Variants in USH2A observed in about 807,000 individuals in gnomAD.
The protein encoded by USH2A is Usher syndrome 2A (autosomal recessive, mild).
In USH2A, 443 loss-of-function variants were observed where a neutral mutation model predicts 538.9. The observed-to-expected ratio is 0.82, with a 90% CI of 0.76 to 0.89. The LOEUF (loss-of-function observed/expected upper bound fraction) is 0.89, where lower values mean the gene tolerates loss of function less well. Among genes scored for constraint, USH2A ranks in the 40% least tolerant of loss-of-function variants. USH2A has a pLI of 0.00. For synonymous variants in USH2A, 2,413 were observed against 2,273.5 expected (o/e 1.06, Z -1.75); for missense variants, 6,633 against 6,324.8 (o/e 1.05, Z -1.65).
At position 215,950,044 on chromosome 1, in the gene USH2A, A is replaced by C. The variant is rs1204090850; in HGVS notation, c.7121-15249T>G. ...TGCATATAACTACAGACAGATGAAC[A>C]CATTTGTATACTATTAGAAGCCATG... On this transcript the variant is annotated intron_variant, in intron 37 of 71. Transcript: ENST00000307340. 2.0e-5 allele frequency among the ~76,000 whole-genome samples: 3 copies of C among 152,168 alleles called. No homozygotes were observed. The South Asian group carries it at 6.2e-4, about 31-fold the overall frequency.
At chr1:216,279,854 A>AG (rs139023769) in intron 11 of USH2A, among the ~76,000 whole-genome samples, 2,029 of 152,198 alleles carry the variant, frequency 0.013, 22 homozygotes, top group Non-Finnish European at 0.018. Context: ...GACTTATGTT[A>AG]GGGACTTTCA....
chr1:216,367,600 G>T (rs560686118), intron 3 of USH2A, among the ~76,000 whole-genome samples: 12 of 152,228 alleles, frequency 7.9e-5, no homozygotes, highest in Admixed American at 6.5e-4. Context: ...GTGAATTCCA[G>T]AAGGATATTT....
At position 216,324,986 on chromosome 1, in the gene USH2A, C is replaced by G. The variant is rs573844154; in HGVS notation, c.1143+319G>C. 2.2e-4 allele frequency among the ~76,000 whole-genome samples: 33 copies of G among 151,956 alleles called. No homozygotes were observed. In the East Asian group the frequency reaches 6.2e-3, roughly 29 times the overall value. On this transcript the variant is annotated intron_variant, in intron 6 of 71. Transcript: ENST00000307340. The stretch of plus-strand genomic sequence containing the variant: ...TCATCCTGGGTCTAATAGGGTGGGC[C>G]TTATATAAGAGAAAGAAAAGGGATA...
At chr1:215,789,472 T>C (rs1661911284) in intron 51 of USH2A, among the ~76,000 whole-genome samples, 1 of 152,218 alleles carries the variant, frequency 6.6e-6, no homozygotes, top group Non-Finnish European at 1.5e-5. Flanking sequence ...TCTGGTATCC[T>C]GGGTCAAGTT....
At chr1:216,346,136 G>A (rs185649236) in intron 4 of USH2A, among the ~76,000 whole-genome samples, 42 of 152,166 alleles carry the variant, frequency 2.8e-4, no homozygotes, top group African/African-American at 1.0e-3. Context: ...ACACCTGGGA[G>A]GTTACCTTTG....
intron 55 of USH2A, among the ~76,000 whole-genome samples, chr1:215,778,041 C>G (rs1661514118): frequency 6.7e-6 from 1 of 148,504 alleles, no homozygotes; most frequent in African/African-American, 2.5e-5. Flanking sequence ...GAGGGCTTCT[C>G]CCAACCCCAT....
intron 71 of USH2A, among the ~76,000 whole-genome samples, chr1:215,627,560 C>T (rs1426081363): frequency 2.7e-5 from 4 of 150,332 alleles, no homozygotes. Flanking sequence ...GAGTCTTGCT[C>T]TGTCACCCAG....
intron 13 of USH2A, among the ~76,000 whole-genome samples, chr1:216,237,055 C>T (rs1342130692): frequency 6.6e-6 from 1 of 152,110 alleles, no homozygotes. Context: ...AACTTATATT[C>T]TCTGTTCCCA....
intron 14 of USH2A, among the ~76,000 whole-genome samples, chr1:216,223,473 T>C (rs1201713393): frequency 2.0e-5 from 3 of 152,206 alleles, no homozygotes; most frequent in African/African-American, 7.2e-5. Context: ...AAGGAGAGTC[T>C]GTTTATTCCC....
chr1:216,155,988 T>C (rs2033929397), intron 21 of USH2A, among the ~76,000 whole-genome samples: 1 of 152,148 alleles, frequency 6.6e-6, no homozygotes. Flanking sequence ...CATGCCCTTC[T>C]TAAAAACATT....
chr1:216,262,819 C>A (rs1028195114), intron 11 of USH2A, among the ~76,000 whole-genome samples: 47 of 151,202 alleles, frequency 3.1e-4, no homozygotes, highest in Middle Eastern at 3.4e-3. Context: ...AAATTGAGAC[C>A]AAAAACAATA....
intron 9 of USH2A, among the ~76,000 whole-genome samples, chr1:216,312,360 T>C (rs970443098): frequency 6.6e-6 from 1 of 152,202 alleles, no homozygotes; most frequent in Admixed American, 6.5e-5. Context: ...GAAAAATTCT[T>C]AGTCATTATT....
intron 11 of USH2A, among the ~76,000 whole-genome samples, chr1:216,264,562 T>G (rs897061022): frequency 4.6e-5 from 7 of 152,112 alleles, no homozygotes; most frequent in Non-Finnish European, 7.4e-5. Context: ...CCTCCCAAAG[T>G]GCTGGGATTA....
intron 21 of USH2A, among the ~76,000 whole-genome samples, chr1:216,160,048 T>C (rs1290778897): frequency 6.6e-6 from 1 of 151,640 alleles, no homozygotes; most frequent in Non-Finnish European, 1.5e-5. Flanking sequence ...ACTTTCTCCT[T>C]TCCTTGATCA....
intron 21 of USH2A, among the ~76,000 whole-genome samples, chr1:216,134,380 G>T (rs1017708659): frequency 3.3e-5 from 5 of 151,944 alleles, no homozygotes; most frequent in Non-Finnish European, 7.4e-5. Context: ...GACAGATTTA[G>T]GAAACAATAT....
chr1:216,146,809 C>T (rs1389223007), intron 21 of USH2A, among the ~76,000 whole-genome samples: 2 of 152,122 alleles, frequency 1.3e-5, no homozygotes, highest in Admixed American at 6.5e-5. Context: ...TATGGGCAAC[C>T]TTCCACCCTC....
At chr1:216,325,231 T>G in intron 6 of USH2A, 74 bp downstream of exon 6, 1 of 1,507,866 alleles carries the variant, frequency 6.6e-7, no homozygotes, top group Non-Finnish European at 9.2e-7. Flanking sequence ...TCTGTTGTTT[T>G]AAGACATGAA....
intron 21 of USH2A, among the ~76,000 whole-genome samples, chr1:216,132,305 T>C (rs2033392398): frequency 6.6e-6 from 1 of 152,112 alleles, no homozygotes; most frequent in Non-Finnish European, 1.5e-5. Context: ...ATCTAGTTGG[T>C]ATTTTTTCAT....
intron 4 of USH2A, among the ~76,000 whole-genome samples, chr1:216,343,141 G>A (rs1365690832): frequency 1.3e-5 from 2 of 151,928 alleles, no homozygotes; most frequent in Admixed American, 1.3e-4. Context: ...TGGCATAGAT[G>A]CTTATAAATA....
Sources: allele counts gnomAD v4.1 joint callset (sites outside exome capture counted in the v4.1 genomes callset), GRCh38; gene constraint gnomAD v4.1.1; transcripts MANE v1.5; gene names NCBI Gene and HGNC (gene_info 2026-07-23, HGNC 2026-07-21).